Variants in PTPRN2 observed in about 807,000 individuals in gnomAD.
PTPRN2 encodes the protein receptor-type tyrosine-protein phosphatase N2.
In PTPRN2, 74 loss-of-function variants were observed where a neutral mutation model predicts 118.8. The ratio of observed to expected loss-of-function variants is 0.62; its 90% CI spans 0.52 to 0.76. PTPRN2 has a LOEUF of 0.76. Among genes scored for constraint, PTPRN2 ranks in the 30% least tolerant of loss-of-function variants. The probability of loss-of-function intolerance (pLI) is 0.00; values close to 1 mark genes in which losing one functional copy is unlikely to be tolerated. For synonymous variants in PTPRN2, 641 were observed against 608.0 expected (o/e 1.05, Z -0.80); for missense variants, 1,481 against 1,394.4 (o/e 1.06, Z -0.99).
At chr7:157,854,607 C>G (rs1353701086) in intron 12 of PTPRN2, 3 of 152,562 alleles carry the variant, frequency 2.0e-5, no homozygotes, top group African/African-American at 4.8e-5. Flanking sequence ...ACGCCTGACT[C>G]AGGCGATCGG....
intron 11 of PTPRN2, among the ~76,000 whole-genome samples, chr7:157,923,416 C>T (rs367687059): frequency 2.6e-5 from 4 of 152,326 alleles, no homozygotes; most frequent in South Asian, 2.1e-4. Context: ...GCCACCTGCG[C>T]GCTGGCCTGT....
At position 157,690,447 on chromosome 7, in the gene PTPRN2, G is replaced by A. The variant is rs540487500; in HGVS notation, c.1789-7510C>T. ...CTACGCGCCTGGTGATGCTCTCGTG[G>A]GCCCTTCCTGCTCCCTCCGCCCCCA... On this transcript the variant is annotated intron_variant, in intron 12 of 22. Transcript: ENST00000389418. This position sits in a 1 kb window ranked among gnomAD's most constrained non-coding sequence, Gnocchi z 7.1. Among the ~76,000 whole-genome samples, 204 of 152,164 alleles carry A rather than the reference G, an allele frequency of 1.3e-3. 2 individuals carry two copies. Among genetic ancestry groups the A allele is most frequent in the African/African-American group, 4.7e-3 (197 of 41,538 alleles).
intron 6 of PTPRN2, among the ~76,000 whole-genome samples, chr7:158,154,251 A>G (rs1356329318): frequency 6.6e-6 from 1 of 152,222 alleles, no homozygotes; most frequent in Non-Finnish European, 1.5e-5. Context: ...CCACCCCACC[A>G]TTCACCACAG....
rs1180968595 is a variant in PTPRN2, at chr7:157,787,779, C to G, written c.1789-104842G>C. Among the ~76,000 whole-genome samples, 1 of 152,086 alleles carries G rather than the reference C, an allele frequency of 6.6e-6. No individual in the cohort carries two copies. Among genetic ancestry groups the G allele is most frequent in the Non-Finnish European group, 1.5e-5 (1 of 67,982 alleles). Reference sequence around the variant, plus strand: ...ATCTTTCCCTCGGACTTCATTTGTGCTCATGGCTGGGGGAGGCACCTGGGG... The same window carrying G: ...ATCTTTCCCTCGGACTTCATTTGTGGTCATGGCTGGGGGAGGCACCTGGGG... On this transcript the variant is annotated intron_variant, in intron 12 of 22. Transcript: ENST00000389418. The surrounding 1 kb of genome is among the most constrained non-coding windows in gnomAD (Gnocchi z 5.3).
chr7:157,962,342 C>T (rs1436485622), intron 11 of PTPRN2, among the ~76,000 whole-genome samples: 3 of 147,250 alleles, frequency 2.0e-5, no homozygotes, highest in Admixed American at 6.6e-5. Flanking sequence ...CCAGCGGGAG[C>T]GTTATTCCCC....
intron 2 of PTPRN2, among the ~76,000 whole-genome samples, chr7:158,422,426 G>C (rs1056979971): frequency 1.3e-5 from 2 of 152,188 alleles, no homozygotes; most frequent in Non-Finnish European, 2.9e-5. Flanking sequence ...ACACGGAATT[G>C]AGCCGGAAAA....
chr7:157,578,168 G>T, intron 17 of PTPRN2, 28 bp from the exon 18 acceptor site: 2 of 1,587,876 alleles, frequency 1.3e-6, no homozygotes, highest in Non-Finnish European at 1.7e-6. Flanking sequence ...CCGTGGCCGC[G>T]GTGTGACTGT....
At chr7:157,810,433 C>T (rs569118886) in intron 12 of PTPRN2, among the ~76,000 whole-genome samples, 5 of 149,272 alleles carry the variant, frequency 3.3e-5, no homozygotes, top group South Asian at 2.2e-4. Context: ...AGGCTCTCCA[C>T]GGGGACGGCG....
At chr7:157,902,290 A>T (rs920207238) in intron 11 of PTPRN2, among the ~76,000 whole-genome samples, 3 of 150,484 alleles carry the variant, frequency 2.0e-5, no homozygotes, top group African/African-American at 7.4e-5. Flanking sequence ...TGGAACACTC[A>T]TGAGAAGTGT....
At chr7:158,058,477 G>T (rs867759230) in intron 11 of PTPRN2, among the ~76,000 whole-genome samples, 2 of 34,324 alleles carry the variant, frequency 5.8e-5, no homozygotes, top group Non-Finnish European at 1.0e-4. Context: ...ACACAGTGAC[G>T]CATCACTGCA....
At chr7:157,562,653 G>A (rs1799248440) in intron 21 of PTPRN2, among the ~76,000 whole-genome samples, 1 of 151,870 alleles carries the variant, frequency 6.6e-6, no homozygotes, top group African/African-American at 2.4e-5. Context: ...ACCACACACA[G>A]CAGATCAGGA....
intron 2 of PTPRN2, among the ~76,000 whole-genome samples, chr7:158,342,689 T>A (rs1326256514): frequency 6.6e-6 from 1 of 152,176 alleles, no homozygotes; most frequent in Non-Finnish European, 1.5e-5. Context: ...ACTGTCATGG[T>A]CCCCATTCCA....
chr7:158,050,126 A>G lies in PTPRN2; in HGVS notation c.1723+31172T>C, dbSNP rs149382199. Among the ~76,000 whole-genome samples, 1,196 of 152,336 alleles carry G rather than the reference A, an allele frequency of 7.9e-3. 13 individuals are homozygous for G. Among genetic ancestry groups the G allele is most frequent in the African/African-American group, 0.027 (1,130 of 41,574 alleles). The stretch of plus-strand genomic sequence containing the variant: ...AACAAGCGTGTTCCTGAAAAGGTAC[A>G]TCAAAGTCAGAATGCTTTTGAAGTG... On this transcript the variant is annotated intron_variant, in intron 11 of 22. Coordinates refer to ENST00000389418, the MANE Select transcript of PTPRN2 (RefSeq NM_002847.5).
At chr7:157,556,610 C>CCA (rs1225562548) in intron 21 of PTPRN2, among the ~76,000 whole-genome samples, 1 of 150,282 alleles carries the variant, frequency 6.7e-6, no homozygotes, top group East Asian at 2.0e-4. Flanking sequence ...CACACACACC[C>CCA]CACACATCAT....
intron 3 of PTPRN2, among the ~76,000 whole-genome samples, chr7:158,266,971 A>G (rs1021145430): frequency 4.6e-5 from 7 of 152,070 alleles, no homozygotes; most frequent in African/African-American, 1.2e-4. Context: ...CCACGTCTAC[A>G]TCCAAGATGT....
intron 12 of PTPRN2, among the ~76,000 whole-genome samples, chr7:157,738,587 C>A (rs1402110397): frequency 6.6e-6 from 1 of 152,174 alleles, no homozygotes; most frequent in Non-Finnish European, 1.5e-5. Flanking sequence ...ACGCTTAGGA[C>A]AAAATCCATG....
chr7:158,085,411 ACC>A (rs1813268600), intron 10 of PTPRN2, among the ~76,000 whole-genome samples: 2 of 69,974 alleles, frequency 2.9e-5, no homozygotes, highest in Admixed American at 1.6e-4. Flanking sequence ...GCCCATCCAC[ACC>A]CATGACGCCC....
chr7:158,068,579 G>A (rs973253180), intron 11 of PTPRN2, among the ~76,000 whole-genome samples: 3 of 152,228 alleles, frequency 2.0e-5, no homozygotes, highest in African/African-American at 7.2e-5. Context: ...GGAACCGGGT[G>A]CCTATTGAAT....
intron 1 of PTPRN2, among the ~76,000 whole-genome samples, chr7:158,582,261 T>C (rs1295599005): frequency 6.6e-6 from 1 of 152,210 alleles, no homozygotes. Flanking sequence ...TTATCTGCCA[T>C]GAATTTAGCT....
Sources: allele counts gnomAD v4.1 joint callset (sites outside exome capture counted in the v4.1 genomes callset), GRCh38; gene constraint gnomAD v4.1.1; non-coding constraint Gnocchi (gnomAD v3.1); transcripts MANE v1.5; gene names NCBI Gene and HGNC (gene_info 2026-07-23, HGNC 2026-07-21).